Variants in AGAP1 observed in about 807,000 individuals in gnomAD.
The protein encoded by AGAP1 is ArfGAP with GTPase domain, ankyrin repeat and PH domain 1.
In AGAP1, 29 loss-of-function variants were observed where a neutral mutation model predicts 105.3. The ratio of observed to expected loss-of-function variants is 0.28; its 90% CI spans 0.21 to 0.38. The LOEUF (loss-of-function observed/expected upper bound fraction) is 0.38, where lower values mean the gene tolerates loss of function less well. Among genes scored for constraint, AGAP1 ranks in the 10% least tolerant of loss-of-function variants. AGAP1 has a pLI of 1.00. For synonymous variants in AGAP1, 509 were observed against 485.9 expected, an observed-to-expected ratio of 1.05 and a Z score of -0.63; for missense variants, 998 against 1,165.1, an observed-to-expected ratio of 0.86 and a Z score of 2.09.
chr2:236,104,107 G>C lies in AGAP1; in HGVS notation c.2115-16085G>C, dbSNP rs1413187169. On this transcript the variant is annotated intron_variant, in intron 16 of 17. Transcript: ENST00000304032. This position sits in a 1 kb window ranked among gnomAD's most constrained non-coding sequence, Gnocchi z 4.7. Reference sequence around the variant, plus strand: ...TACTTCCCACTTGCATTTAGGTGGGGGGCCTTGGGCAGTGGGTCTGCCCCA... The same window carrying C: ...TACTTCCCACTTGCATTTAGGTGGGCGGCCTTGGGCAGTGGGTCTGCCCCA... 2.6e-5 allele frequency among the ~76,000 whole-genome samples: 4 copies of C among 152,268 alleles called. No homozygotes were observed. Among genetic ancestry groups the C allele is most frequent in the African/African-American group, 9.6e-5 (4 of 41,482 alleles).
intron 1 of AGAP1, among the ~76,000 whole-genome samples, chr2:235,687,398 A>G (rs964070609): frequency 2.6e-5 from 4 of 152,162 alleles, no homozygotes; most frequent in African/African-American, 9.7e-5. Flanking sequence ...AACCTTTCAT[A>G]TGTAGGAATG....
intron 12 of AGAP1, among the ~76,000 whole-genome samples, chr2:235,942,737 A>G (rs978729598): frequency 1.3e-5 from 2 of 152,050 alleles, no homozygotes; most frequent in African/African-American, 4.8e-5. Flanking sequence ...TTGTAAAATT[A>G]TTTAGCATTT....
At chr2:235,727,978 C>T (rs1220538633) in intron 3 of AGAP1, among the ~76,000 whole-genome samples, 1 of 152,144 alleles carries the variant, frequency 6.6e-6, no homozygotes, top group African/African-American at 2.4e-5. Context: ...GCAGAGCACA[C>T]GTTCCACTCA....
rs2058638646 is a variant in AGAP1 at position 236,076,494 on chromosome 2, T to C, written c.2114+27213T>C. ...GTTCACTTCCTGACGGCTTTGCACA[T>C]GGCCCATAACAAGCTGTCCTGACCT... On this transcript the variant is annotated intron_variant, in intron 16 of 17. Coordinates refer to ENST00000304032, the MANE Select transcript of AGAP1 (RefSeq NM_001037131.3). The surrounding 1 kb of genome is among the most constrained non-coding windows in gnomAD (Gnocchi z 4.4). Among the ~76,000 whole-genome samples the C allele has an allele frequency of 6.6e-6, 1 of 151,928 alleles. No homozygotes were observed. Among genetic ancestry groups the C allele is most frequent in the South Asian group, 2.1e-4 (1 of 4,808 alleles).
At chr2:235,561,959 C>T (rs1357021461) in intron 1 of AGAP1, among the ~76,000 whole-genome samples, 3 of 152,140 alleles carry the variant, frequency 2.0e-5, no homozygotes, top group African/African-American at 7.2e-5. Context: ...CATGGACTAT[C>T]TTGAGGTTTT....
chr2:235,566,064 A>G lies in AGAP1; in HGVS notation c.163+71215A>G, dbSNP rs1574859275. ...AACAATATTTCCCTCTGCTTGTGTC[A>G]TCTTTCATTTGTCCATTCCTCGATT... On this transcript the variant is annotated intron_variant, in intron 1 of 17. Transcript: ENST00000304032. The surrounding 1 kb of genome is among the most constrained non-coding windows in gnomAD (Gnocchi z 5.2). Among the ~76,000 whole-genome samples, 3 of 152,070 alleles carry G rather than the reference A, an allele frequency of 2.0e-5. No homozygotes were observed. The highest frequency in any genetic ancestry group is 2.0e-4 in the Admixed American group (3 of 15,268).
Position 235,751,959 on chromosome 2 carries a change from A to G in AGAP1, c.673+1471A>G, listed in dbSNP as rs372562591. ...GAATGTCCTGTGGGGAGTAAACCTC[A>G]TTTCAAGCCGTGCTGGTGAACATGA... On this transcript the variant is annotated intron_variant, in intron 6 of 17. Transcript: ENST00000304032. The surrounding 1 kb of genome is among the most constrained non-coding windows in gnomAD (Gnocchi z 5.3). Among the ~76,000 whole-genome samples, 2 of 152,140 alleles carry G rather than the reference A, an allele frequency of 1.3e-5. No individual in the cohort carries two copies. Among genetic ancestry groups the G allele is most frequent in the Admixed American group, 6.5e-5 (1 of 15,284 alleles).
chr2:236,079,521 C>A (rs564827659), intron 16 of AGAP1, among the ~76,000 whole-genome samples: 3 of 149,300 alleles, frequency 2.0e-5, no homozygotes, highest in South Asian at 2.1e-4. Flanking sequence ...GTGACAGAGA[C>A]CTCGTCTCAA....
At chr2:235,999,463 A>G (rs1353440042) in intron 13 of AGAP1, among the ~76,000 whole-genome samples, 9 of 127,790 alleles carry the variant, frequency 7.0e-5, no homozygotes, top group Admixed American at 3.1e-4. Flanking sequence ...TGACAATGGT[A>G]GTAGTGATTG....
At chr2:235,862,279 C>T (rs768451370) in intron 9 of AGAP1, among the ~76,000 whole-genome samples, 2 of 152,192 alleles carry the variant, frequency 1.3e-5, no homozygotes, top group African/African-American at 4.8e-5. Context: ...TTCAAATTTC[C>T]AAGAAATTAA....
chr2:235,862,583 G>C (rs185250433), intron 9 of AGAP1, among the ~76,000 whole-genome samples: 5 of 152,368 alleles, frequency 3.3e-5, no homozygotes, highest in Admixed American at 6.5e-5. Flanking sequence ...ACTGCAAACT[G>C]TCCCAGGTAC....
chr2:236,009,236 A>G lies in AGAP1; in HGVS notation c.1646-27325A>G, dbSNP rs986924384. Among the ~76,000 whole-genome samples the G allele has an allele frequency of 1.3e-5, 2 of 152,216 alleles. No individual in the cohort carries two copies. The highest frequency in any genetic ancestry group is 2.4e-5 in the African/African-American group (1 of 41,460). ...ACATTTACACCGTCTTGTTGAGCAA[A>G]TGAACGTTCAAATGGCCAGCACAAA... On this transcript the variant is annotated intron_variant, in intron 13 of 17. Coordinates refer to ENST00000304032, the MANE Select transcript of AGAP1 (RefSeq NM_001037131.3). The surrounding 1 kb of genome is among the most constrained non-coding windows in gnomAD (Gnocchi z 4.2).
intron 1 of AGAP1, among the ~76,000 whole-genome samples, chr2:235,588,228 C>CAAA (rs34739482): frequency 6.1e-5 from 8 of 131,550 alleles, no homozygotes; most frequent in Non-Finnish European, 8.2e-5. Flanking sequence ...GACTCCGTCT[C>CAAA]AAAAAAAAAA....
chr2:235,677,516 T>C (rs1025433625), intron 1 of AGAP1, among the ~76,000 whole-genome samples: 23 of 152,296 alleles, frequency 1.5e-4, no homozygotes, highest in African/African-American at 5.3e-4. Context: ...TTGAATCTGT[T>C]TCTGGTGTGA....
rs199597443 is a variant in AGAP1, at chr2:236,120,432, G to A, written c.2355G>A (p.Ala785=). Residue 785 remains alanine (A), a synonymous_variant, in exon 17 of 18, where the codon GCG becomes GCA. Transcript: ENST00000304032. The surrounding 1 kb of genome is among the most constrained non-coding windows in gnomAD (Gnocchi z 6.0). The part of the protein sequence containing the change: ...LACRKGNVVL[A]QLLIWYGVDV... Reference sequence around the variant, plus strand: ...GCCGCAAGGGGAATGTGGTCCTGGCGCAGCTCCTGATCTGGGTAGGTGGTC... The same window carrying A: ...GCCGCAAGGGGAATGTGGTCCTGGCACAGCTCCTGATCTGGGTAGGTGGTC... 3.8e-4 allele frequency: 614 copies of A among 1,611,380 alleles called. No individual in the cohort carries two copies. The highest frequency in any genetic ancestry group is 4.4e-4 in the Non-Finnish European group (522 of 1,179,754).
Position 235,566,866 on chromosome 2 carries a change from G to T in AGAP1, c.163+72017G>T, listed in dbSNP as rs1944362389. On this transcript the variant is annotated intron_variant, in intron 1 of 17. Coordinates refer to ENST00000304032, the MANE Select transcript of AGAP1 (RefSeq NM_001037131.3). This position sits in a 1 kb window ranked among gnomAD's most constrained non-coding sequence, Gnocchi z 5.2. ...TACAGTTCTGGAGGCCTGAAGCCCA[G>T]GATCAAGGTGTGCCCAGAGCTGTGC... 6.6e-6 allele frequency among the ~76,000 whole-genome samples: 1 copy of T among 152,228 alleles called. No individual in the cohort carries two copies. Among genetic ancestry groups the T allele is most frequent in the Admixed American group, 6.5e-5 (1 of 15,284 alleles).
intron 11 of AGAP1, among the ~76,000 whole-genome samples, chr2:235,925,425 G>T (rs1186941951): frequency 6.6e-6 from 1 of 152,130 alleles, no homozygotes; most frequent in Non-Finnish European, 1.5e-5. Flanking sequence ...GTCCCTGATG[G>T]AGACAATCCA....
In AGAP1 at chr2:235,608,058, C is replaced by T. The variant is rs1946004899; in HGVS notation, c.164-101121C>T. Among the ~76,000 whole-genome samples, 1 of 152,190 alleles carries T rather than the reference C, an allele frequency of 6.6e-6. No individual in the cohort carries two copies. Among genetic ancestry groups the T allele is most frequent in the Admixed American group, 6.5e-5 (1 of 15,280 alleles). On this transcript the variant is annotated intron_variant, in intron 1 of 17. Coordinates refer to ENST00000304032, the MANE Select transcript of AGAP1 (RefSeq NM_001037131.3). The surrounding 1 kb of genome is among the most constrained non-coding windows in gnomAD (Gnocchi z 5.4). ...AGATTACCCCTGACTTCATAGTCTG[C>T]CTGTCTCAGAGCGTGGGCGGGTTGG... is the stretch of plus-strand genomic sequence containing the variant.
rs2057100361 is a variant in AGAP1, at chr2:236,027,732, C to G, written c.1646-8829C>G. On this transcript the variant is annotated intron_variant, in intron 13 of 17. Transcript: ENST00000304032. The surrounding 1 kb of genome is among the most constrained non-coding windows in gnomAD (Gnocchi z 4.4). ...CTTCTCCAGGGCTAGGATGAACCAT[C>G]TGGTCAAAACAGAACAGAAACCCCA... 6.6e-6 allele frequency among the ~76,000 whole-genome samples: 1 copy of G among 152,126 alleles called. No homozygotes were observed. The highest frequency in any genetic ancestry group is 6.5e-5 in the Admixed American group (1 of 15,282).
Sources: gnomAD v4.1 joint callset for allele counts (sites outside exome capture counted in the v4.1 genomes callset) on GRCh38, gnomAD v4.1.1 for gene constraint, Gnocchi (gnomAD v3.1) non-coding constraint, MANE v1.5 for transcripts, NCBI Gene and HGNC (gene_info 2026-07-23, HGNC 2026-07-21) for gene names.